TRPA1: variants seen among roughly 807,000 people sequenced by gnomAD.
The protein encoded by TRPA1 is transient receptor potential cation channel subfamily A member 1.
A neutral mutation model predicts 131.3 loss-of-function variants in TRPA1; 129 were observed. That is an observed-to-expected ratio of 0.98 (90% CI 0.85 to 1.14). The LOEUF is 1.14. Among genes scored for constraint, TRPA1 ranks in the 50% most tolerant of loss-of-function variants. TRPA1 has a pLI of 0.00. For missense variants in TRPA1, 1,304 were observed against 1,354.2 expected (o/e 0.96, Z 0.58); for synonymous variants, 441 against 451.7 (o/e 0.98, Z 0.30).
the TRPA1 span, among the ~76,000 whole-genome samples, chr8:72,081,049 T>A: frequency 6.6e-6 from 1 of 151,810 alleles, no homozygotes; most frequent in Non-Finnish European, 1.5e-5. Flanking sequence ...TTTCTTTCTT[T>A]AATTTTTCTT....
intron 2 of TRPA1, among the ~76,000 whole-genome samples, chr8:72,069,814 C>CGA (rs966479936): frequency 4.7e-5 from 7 of 148,684 alleles, no homozygotes; most frequent in South Asian, 4.2e-4. Context: ...GAGAAGAGAA[C>CGA]GAGAGAGAGA....
At chr8:72,070,178 A>T (rs762037303) in intron 2 of TRPA1, among the ~76,000 whole-genome samples, 5 of 152,252 alleles carry the variant, frequency 3.3e-5, no homozygotes, top group Non-Finnish European at 7.3e-5. Flanking sequence ...GGAAAGGAGA[A>T]AAAGTATTTG....
intron 14 of TRPA1, 83 bp from the exon 15 acceptor site, chr8:72,050,954 T>G (rs575753350): frequency 9.7e-7 from 1 of 1,032,354 alleles, no homozygotes; most frequent in East Asian, 2.4e-5. Context: ...ATTATTTCTT[T>G]AGGGGAAACC....
chr8:72,049,509 T>A (rs1356536082), intron 15 of TRPA1, among the ~76,000 whole-genome samples: 1 of 152,158 alleles, frequency 6.6e-6, no homozygotes, highest in Non-Finnish European at 1.5e-5. Flanking sequence ...TTGCATGACA[T>A]CTGAAGTCAT....
chr8:72,023,751 A>G lies in TRPA1; in HGVS notation c.3149+63T>C, dbSNP rs1811481435. The stretch of plus-strand genomic sequence containing the variant: ...ACATCAATATAAAATATAATCTTAC[A>G]TTGTGCATTATTATTTATGAGTTTT... On this transcript the variant is annotated intron_variant, in intron 26 of 26. Transcript: ENST00000262209. The G allele has an allele frequency of 4.9e-5, 47 of 957,958 alleles. No individual in the cohort carries two copies. In the South Asian group the frequency reaches 5.9e-4, roughly 12 times the overall value. The allele number at this position is 957,958 out of a possible 1,614,324, so 59.3% of individuals were successfully genotyped here.
chr8:72,024,639 A>C (rs567032091), intron 25 of TRPA1, among the ~76,000 whole-genome samples: 1 of 152,080 alleles, frequency 6.6e-6, no homozygotes, highest in Non-Finnish European at 1.5e-5. Context: ...ATGTCAGGAG[A>C]GGGTGAAACG....
In TRPA1 at chr8:72,046,564, G is replaced by A. The variant is rs61757563; in HGVS notation, c.2010C>T (p.Thr670=). ...TAACATCCTGTGTAGGTGTTTTTTT[G>A]GTGAATTCTAATGGACATTGAAGAT... ...FKYLQCPLEF[T]KKTPTQDVIY... The change falls in exon 17 of 27, where the codon ACC becomes ACT. Residue 670 remains threonine, a synonymous_variant. Coordinates refer to ENST00000262209, the MANE Select transcript of TRPA1 (RefSeq NM_007332.3). The A allele has an allele frequency of 0.055, 87,985 of 1,594,046 alleles. 2,839 individuals carry two copies. The highest frequency in any genetic ancestry group is 0.066 in the Non-Finnish European group (76,342 of 1,165,460).
Position 72,071,864 on chromosome 8 carries a change from C to T in TRPA1, c.115G>A (p.Val39Ile), listed in dbSNP as rs368493713. 1 of 1,611,560 alleles carries T rather than the reference C, an allele frequency of 6.2e-7. No individual in the cohort carries two copies. Among genetic ancestry groups the T allele is most frequent in the Admixed American group, 1.7e-5 (1 of 60,002 alleles). Reference protein sequence around the residue: ...TEDFKESLKVVFEGSAYGLQN... With the variant: ...TEDFKESLKVIFEGSAYGLQN... ...AATCCATATGCACTTCCTTCAAAAA[C>T]CACCTAGAGGTATTTAAACACCATT... The change falls in exon 2 of 27, where the codon GTT becomes ATT. Residue 39 changes from valine to isoleucine, a missense_variant. Val to Ile is a conservative substitution (Grantham distance 29). Transcript: ENST00000262209.
the TRPA1 span, among the ~76,000 whole-genome samples, chr8:72,086,391 T>C: frequency 6.6e-6 from 1 of 152,320 alleles, no homozygotes; most frequent in African/African-American, 2.4e-5. Flanking sequence ...CTTTGTCTCG[T>C]ATTCAAATTA....
At chr8:72,037,373 G>T (rs982095616) in intron 20 of TRPA1, among the ~76,000 whole-genome samples, 2 of 152,054 alleles carry the variant, frequency 1.3e-5, no homozygotes, top group Non-Finnish European at 2.9e-5. Flanking sequence ...CCTCCATACT[G>T]AGAAAAGAAG....
chr8:72,070,817 C>G (rs1156630478), intron 2 of TRPA1, among the ~76,000 whole-genome samples: 1 of 152,196 alleles, frequency 6.6e-6, no homozygotes, highest in African/African-American at 2.4e-5. Flanking sequence ...GTAGGGCAGG[C>G]CCTTTCCTTC....
rs1475346590 is a variant in TRPA1 at position 72,075,345 on chromosome 8, T to TA, written c.64dup (p.Tyr22LeufsTer2). The TA allele has an allele frequency of 6.2e-7, 1 of 1,613,120 alleles. No homozygotes were observed. The highest frequency in any genetic ancestry group is 8.5e-7 in the Non-Finnish European group (1 of 1,179,844). ...CTCCGTGTCGTCCGGCACATCCTCATAGACAACGCCCTGGGGCTCCTTCTT... is the reference window on the plus strand; with the variant it reads ...CTCCGTGTCGTCCGGCACATCCTCATAAGACAACGCCCTGGGGCTCCTTCTT... On this transcript the variant is annotated frameshift_variant, in exon 1 of 27. Coordinates refer to ENST00000262209, the MANE Select transcript of TRPA1 (RefSeq NM_007332.3). LOFTEE classifies it high-confidence loss of function.
At chr8:72,059,325 T>C (rs1205653226) in intron 8 of TRPA1, 65 bp downstream of exon 8, 7 of 1,094,506 alleles carry the variant, frequency 6.4e-6, no homozygotes, top group Non-Finnish European at 9.3e-6. Flanking sequence ...ATCCATATTA[T>C]GTAATTATAC....
chr8:72,049,113 T>C (rs1370936693), intron 15 of TRPA1, among the ~76,000 whole-genome samples: 1 of 151,680 alleles, frequency 6.6e-6, no homozygotes, highest in Non-Finnish European at 1.5e-5. Flanking sequence ...TTAGGCATCA[T>C]AAAAAAACCG....
chr8:72,065,643 A>T, intron 3 of TRPA1, 85 bp from the exon 4 acceptor site: 1 of 918,234 alleles, frequency 1.1e-6, no homozygotes. Context: ...AAGTTTTCAA[A>T]TACCAGGGAC....
rs1326730909 is a variant in TRPA1 at position 72,023,033 on chromosome 8, G to T, written c.3233C>A (p.Thr1078Lys). ...IIQKMEIISE[T>K]EDDDSHCSFQ... is the part of the protein sequence containing the mutation. ...AGAACAATGGCTATCATCATCCTCTGTCTCAGAGATGATCTCCATCTTCTG... is the reference window on the plus strand; with the variant it reads ...AGAACAATGGCTATCATCATCCTCTTTCTCAGAGATGATCTCCATCTTCTG... Residue 1078 changes from threonine to lysine, a missense_variant, in exon 27 of 27, where the codon ACA becomes AAA. By Grantham distance (78) the Thr-to-Lys change is moderately conservative (BLOSUM62 -1). Transcript: ENST00000262209. 6.2e-7 allele frequency: 1 copy of T among 1,613,704 alleles called. No individual in the cohort carries two copies. Among genetic ancestry groups the T allele is most frequent in the Non-Finnish European group, 8.5e-7 (1 of 1,179,758 alleles).
the TRPA1 span, among the ~76,000 whole-genome samples, chr8:72,083,856 A>T: frequency 6.6e-6 from 1 of 152,180 alleles, no homozygotes. Flanking sequence ...TTCTGTTCAG[A>T]TATTTTTAAT....
At chr8:72,056,224 G>A in intron 10 of TRPA1, 1 of 302,618 alleles carries the variant, frequency 3.3e-6, no homozygotes, top group South Asian at 3.6e-5. Flanking sequence ...ACAGCTTCAT[G>A]TTAATATGTT....
At chr8:72,025,532 G>A (rs536776666) in intron 25 of TRPA1, among the ~76,000 whole-genome samples, 1 of 152,258 alleles carries the variant, frequency 6.6e-6, no homozygotes, top group Non-Finnish European at 1.5e-5. Flanking sequence ...TGTATAGTGT[G>A]TGTATGTGTA....
Sources: allele counts gnomAD v4.1 joint callset (sites outside exome capture counted in the v4.1 genomes callset), GRCh38; gene constraint gnomAD v4.1.1; transcripts MANE v1.5; gene names NCBI Gene and HGNC (gene_info 2026-07-23, HGNC 2026-07-21).